CACNA1I: variants seen among roughly 807,000 people sequenced by gnomAD.
CACNA1I encodes calcium voltage-gated channel subunit alpha1 I, also known as voltage-dependent T-type calcium channel subunit alpha-1I.
In CACNA1I, 74 loss-of-function variants were observed where a neutral mutation model predicts 201.6. The ratio of observed to expected loss-of-function variants is 0.37; its 90% CI spans 0.30 to 0.45. The LOEUF is 0.45. CACNA1I is among the 20% of genes least tolerant of loss of function. The pLI is 1.00. For synonymous variants in CACNA1I, 1,431 were observed against 1,345.2 expected (o/e 1.06, Z -1.40); for missense variants, 2,346 against 3,138.1 (o/e 0.75, Z 6.03).
Position 39,664,730 on chromosome 22 carries a change from C to G in CACNA1I, c.3667-9C>G. The G allele has an allele frequency of 1.3e-6, 2 of 1,543,236 alleles. No homozygotes were observed. Among genetic ancestry groups the G allele is most frequent in the Non-Finnish European group, 1.8e-6 (2 of 1,135,926 alleles). ...CGGCAGCCTGACCCCGGCCCCACCC[C>G]CGCCCCAGGTAGTCTCGCTGGGCCT... On this transcript the variant is annotated splice_polypyrimidine_tract_variant and intron_variant, in intron 20 of 36. Transcript: ENST00000402142.
chr22:39,618,198 C>T (rs1569064246), intron 3 of CACNA1I, among the ~76,000 whole-genome samples: 4 of 137,454 alleles, frequency 2.9e-5, no homozygotes, highest in East Asian at 2.1e-4. Context: ...TGGTTGTGTA[C>T]GTGTGTGTGA....
At chr22:39,637,142 A>G (rs1020351926) in intron 5 of CACNA1I, among the ~76,000 whole-genome samples, 8 of 152,158 alleles carry the variant, frequency 5.3e-5, no homozygotes, top group African/African-American at 1.4e-4. Context: ...GAGACCCTTT[A>G]TCTTGGCCAC....
intron 1 of CACNA1I, among the ~76,000 whole-genome samples, chr22:39,579,166 G>A (rs1932465640): frequency 6.6e-6 from 1 of 152,220 alleles, no homozygotes; most frequent in Non-Finnish European, 1.5e-5. Context: ...GCCTGGCGCT[G>A]CCAAGCTTCA....
chr22:39,668,326 A>T lies in CACNA1I; in HGVS notation c.4139A>T (p.Asp1380Val). Residue 1380 changes from aspartate (D) to valine (V), a missense_variant, in exon 24 of 37, where the codon GAT becomes GTT. By Grantham distance (152) the Asp-to-Val change is radical. Around this residue, in one of 13 missense-constraint regions of CACNA1I, gnomAD observed 228 missense variants for 395.7 expected, o/e 0.58. Coordinates refer to ENST00000402142, the MANE Select transcript of CACNA1I (RefSeq NM_021096.4). ...LMSLFVLASKDGWVNIMYNGL... is the reference protein window; with the variant it reads ...LMSLFVLASKVGWVNIMYNGL... ...TCCCTCTTTGTCCTGGCATCCAAGG[A>T]TGGTTGGGTGAACATCATGTACAAT... The T allele has an allele frequency of 6.2e-7, 1 of 1,613,488 alleles. No homozygotes were observed. Among genetic ancestry groups the T allele is most frequent in the Non-Finnish European group, 8.5e-7 (1 of 1,179,602 alleles).
Position 39,662,417 on chromosome 22 carries a change from T to G in CACNA1I, c.3354T>G (p.Asp1118Glu), listed in dbSNP as rs560996460. 6 of 1,451,338 alleles carry G rather than the reference T, an allele frequency of 4.1e-6. No individual in the cohort carries two copies. The highest frequency in any genetic ancestry group is 5.6e-5 in the Admixed American group (2 of 35,962). The allele number at this position is 1,451,338 out of a possible 1,614,324, so 89.9% of individuals were successfully genotyped here. The change falls in exon 17 of 37, where the codon GAT (aspartate) becomes GAG (glutamate). Residue 1118 changes from aspartate (D) to glutamate (E), a missense_variant. By Grantham distance (45) the Asp-to-Glu change is conservative. Transcript: ENST00000402142. ...KMGDRGDRGE[D>E]EEEIDYTLCF... ...GCGACCGCGGGGATCGCGGGGAGGA[T>G]GAGGAGGAAATCGACTACGTGAGTG...
intron 28 of CACNA1I, among the ~76,000 whole-genome samples, chr22:39,673,704 TCA>T (rs1935439484): frequency 6.6e-6 from 1 of 152,156 alleles, no homozygotes; most frequent in Non-Finnish European, 1.5e-5. Context: ...TTCATAGACC[TCA>T]GTTTCCATGA....
intron 3 of CACNA1I, among the ~76,000 whole-genome samples, chr22:39,606,282 A>T (rs2146376952): frequency 6.6e-6 from 1 of 152,246 alleles, no homozygotes; most frequent in East Asian, 1.9e-4. Context: ...CACTCTCCAA[A>T]CCAGGTCTCT....
chr22:39,620,013 A>G (rs1933682997), intron 4 of CACNA1I, among the ~76,000 whole-genome samples: 1 of 48,068 alleles, frequency 2.1e-5, no homozygotes, highest in African/African-American at 9.6e-5. Flanking sequence ...CCACCTGTCT[A>G]TCCATCCATC....
At chr22:39,657,473 G>A (rs1934859243) in intron 10 of CACNA1I, among the ~76,000 whole-genome samples, 1 of 152,198 alleles carries the variant, frequency 6.6e-6, no homozygotes, top group African/African-American at 2.4e-5. Context: ...GGGGCACGAT[G>A]TCCCCAGCCA....
intron 7 of CACNA1I, among the ~76,000 whole-genome samples, chr22:39,643,093 A>C (rs908082735): frequency 1.8e-4 from 28 of 152,142 alleles, no homozygotes; most frequent in Non-Finnish European, 1.2e-4. Flanking sequence ...GGGAGCATCC[A>C]ACACCTTCGA....
chr22:39,616,894 C>G (rs943041505), intron 3 of CACNA1I, among the ~76,000 whole-genome samples: 8 of 152,150 alleles, frequency 5.3e-5, no homozygotes, highest in Non-Finnish European at 1.0e-4. Flanking sequence ...GGTGTCCTCA[C>G]TTAACTGAGA....
At chr22:39,634,747 A>T (rs773680947) in intron 5 of CACNA1I, 23 bp downstream of exon 5, 1 of 1,607,754 alleles carries the variant, frequency 6.2e-7, no homozygotes, top group East Asian at 2.2e-5. Flanking sequence ...CCTGCCACCC[A>T]TGCAGCTCCG....
In CACNA1I at chr22:39,629,788, G is replaced by A. The variant is rs181964716; in HGVS notation, c.581-4777G>A. ...ACCCCCTTTCAGAGATGTGTATGCC[G>A]TTCGGGGCGCTGTCCACAGGGGCGT... On this transcript the variant is annotated intron_variant, in intron 4 of 36. Coordinates refer to ENST00000402142, the MANE Select transcript of CACNA1I (RefSeq NM_021096.4). The surrounding 1 kb of genome is among the most constrained non-coding windows in gnomAD (Gnocchi z 4.8). Among the ~76,000 whole-genome samples the A allele has an allele frequency of 9.9e-5, 15 of 152,272 alleles. No homozygotes were observed. Among genetic ancestry groups the A allele is most frequent in the Non-Finnish European group, 1.3e-4 (9 of 68,008 alleles).
chr22:39,667,101 G>A (rs1469632645), intron 23 of CACNA1I, among the ~76,000 whole-genome samples: 1 of 152,212 alleles, frequency 6.6e-6, no homozygotes, highest in Non-Finnish European at 1.5e-5. Flanking sequence ...CTCCTCAGTG[G>A]CCCTTACCAG....
chr22:39,611,165 C>T (rs1423051519), intron 3 of CACNA1I, among the ~76,000 whole-genome samples: 2 of 152,170 alleles, frequency 1.3e-5, no homozygotes, highest in African/African-American at 4.8e-5. Context: ...GTTTAGGTGG[C>T]CTACCATGAA....
intron 10 of CACNA1I, 75 bp from the exon 11 acceptor site, chr22:39,658,077 G>T: frequency 6.7e-7 from 1 of 1,496,206 alleles, no homozygotes; most frequent in Non-Finnish European, 9.2e-7. Flanking sequence ...CACAGCCAGG[G>T]TGGGTGTCCA....
chr22:39,610,042 C>G (rs1933341970), intron 3 of CACNA1I, among the ~76,000 whole-genome samples: 1 of 152,234 alleles, frequency 6.6e-6, no homozygotes, highest in African/African-American at 2.4e-5. Flanking sequence ...TGCCCAGAAG[C>G]CTTTGGAGCT....
At chr22:39,645,220 C>G (rs1010834584) in intron 7 of CACNA1I, among the ~76,000 whole-genome samples, 1 of 152,350 alleles carries the variant, frequency 6.6e-6, no homozygotes, top group Admixed American at 6.5e-5. Flanking sequence ...CTCCTGACTT[C>G]AAGTGATCCA....
At chr22:39,667,519 A>G (rs1395467689) in intron 23 of CACNA1I, among the ~76,000 whole-genome samples, 1 of 152,214 alleles carries the variant, frequency 6.6e-6, no homozygotes, top group Non-Finnish European at 1.5e-5. Context: ...CTACTGGTGC[A>G]AAGATGGCAC....
Sources: allele counts gnomAD v4.1 joint callset (sites outside exome capture counted in the v4.1 genomes callset), GRCh38; gene constraint gnomAD v4.1.1; regional missense constraint gnomAD v4.1.1; non-coding constraint Gnocchi (gnomAD v3.1); transcripts MANE v1.5; gene names NCBI Gene and HGNC (gene_info 2026-07-23, HGNC 2026-07-21).